Variants in GFRA2 observed in about 807,000 individuals in gnomAD.
GFRA2 encodes GDNF family receptor alpha 2.
A neutral mutation model predicts 48.3 loss-of-function variants in GFRA2; 17 were observed. The ratio of observed to expected loss-of-function variants is 0.35; its 90% CI spans 0.24 to 0.53. The LOEUF (loss-of-function observed/expected upper bound fraction) is 0.53. Among genes scored for constraint, GFRA2 ranks in the 20% least tolerant of loss-of-function variants. The probability of loss-of-function intolerance (pLI) is 0.93; values close to 1 mark genes in which losing one functional copy is unlikely to be tolerated. For missense variants in GFRA2, 660 were observed against 637.3 expected, an observed-to-expected ratio of 1.04 and a Z score of -0.38; for synonymous variants, 305 against 257.2, an observed-to-expected ratio of 1.19 and a Z score of -1.78.
intron 4 of GFRA2, among the ~76,000 whole-genome samples, chr8:21,715,622 A>G (rs1803293368): frequency 6.6e-6 from 1 of 152,190 alleles, no homozygotes; most frequent in Non-Finnish European, 1.5e-5. Flanking sequence ...CCAGGGGGAA[A>G]CATGACCTGG....
intron 4 of GFRA2, among the ~76,000 whole-genome samples, chr8:21,736,861 T>A (rs1265387234): frequency 1.5e-5 from 2 of 137,662 alleles, no homozygotes; most frequent in Non-Finnish European, 3.0e-5. Context: ...AATTTCATTT[T>A]GAGAATTAGG....
intron 4 of GFRA2, among the ~76,000 whole-genome samples, chr8:21,726,072 A>G (rs1803855690): frequency 6.6e-6 from 1 of 152,190 alleles, no homozygotes; most frequent in African/African-American, 2.4e-5. Context: ...TCTGCCCTCA[A>G]AACAGTGGTC....
upstream of GFRA2, chr8:21,790,073 C>G: frequency 1.0e-6 from 1 of 985,326 alleles, no homozygotes; most frequent in Non-Finnish European, 1.2e-6. Flanking sequence ...GGCTCACCGG[C>G]GTGTTTTAGT....
upstream of GFRA2, among the ~76,000 whole-genome samples, chr8:21,792,506 C>G (rs77130515): frequency 6.6e-6 from 1 of 152,158 alleles, no homozygotes; most frequent in African/African-American, 2.4e-5. Flanking sequence ...GCAGGGCCAA[C>G]GGCTGTGGGG....
chr8:21,766,213 G>T (rs759875672), intron 3 of GFRA2, among the ~76,000 whole-genome samples: 2 of 152,020 alleles, frequency 1.3e-5, no homozygotes, highest in Non-Finnish European at 2.9e-5. Context: ...CCCACTGCTG[G>T]ATCCTTCCTG....
At chr8:21,782,293 A>T (rs989649078) in intron 2 of GFRA2, among the ~76,000 whole-genome samples, 2 of 25,138 alleles carry the variant, frequency 8.0e-5, no homozygotes, top group African/African-American at 2.9e-4. Flanking sequence ...CCCCCACCCC[A>T]CTCACCCCCC....
chr8:21,709,015 G>A (rs1387484579), intron 4 of GFRA2, among the ~76,000 whole-genome samples: 1 of 152,192 alleles, frequency 6.6e-6, no homozygotes, highest in South Asian at 2.1e-4. Context: ...GATATGATCA[G>A]GTCCGAACAC....
chr8:21,789,143 C>G (rs1392656740), upstream of GFRA2: 1 of 169,204 alleles, frequency 5.9e-6, no homozygotes, highest in Non-Finnish European at 1.2e-5. Flanking sequence ...CGCCGGGGAT[C>G]GCGGGCCGAG....
chr8:21,758,292 T>C (rs775895238), intron 3 of GFRA2, among the ~76,000 whole-genome samples: 1 of 151,980 alleles, frequency 6.6e-6, no homozygotes, highest in Non-Finnish European at 1.5e-5. Context: ...CCAGCTACTG[T>C]CACCTAGGCA....
At chr8:21,773,019 G>A (rs1181991319) in intron 3 of GFRA2, among the ~76,000 whole-genome samples, 2 of 152,202 alleles carry the variant, frequency 1.3e-5, no homozygotes, top group African/African-American at 4.8e-5. Flanking sequence ...GGCCACCAGG[G>A]TGTGCCCACC....
chr8:21,797,103 G>A (rs1807690299), intron 2 of GFRA2, among the ~76,000 whole-genome samples: 2 of 152,048 alleles, frequency 1.3e-5, no homozygotes, highest in African/African-American at 4.8e-5. Flanking sequence ...CCCTATTTGT[G>A]AGTTAGCTTT....
chr8:21,798,661 C>T (rs1436804359), intron 2 of GFRA2, among the ~76,000 whole-genome samples: 3 of 152,294 alleles, frequency 2.0e-5, no homozygotes, highest in South Asian at 2.1e-4. Flanking sequence ...GCCCTGCAGA[C>T]GTAAGAACCT....
chr8:21,704,215 T>C (rs1201667244), intron 6 of GFRA2, among the ~76,000 whole-genome samples: 1 of 152,240 alleles, frequency 6.6e-6, no homozygotes, highest in East Asian at 1.9e-4. Context: ...AACTGACCGA[T>C]GCCCAGCTAA....
intron 4 of GFRA2, among the ~76,000 whole-genome samples, chr8:21,729,482 G>A (rs745419727): frequency 1.3e-5 from 2 of 152,160 alleles, no homozygotes; most frequent in Non-Finnish European, 2.9e-5. Context: ...GAGAGTGAAA[G>A]CTGGGCCTGG....
intron 4 of GFRA2, among the ~76,000 whole-genome samples, chr8:21,718,317 G>A (rs1402024548): frequency 6.6e-6 from 1 of 152,160 alleles, no homozygotes; most frequent in South Asian, 2.1e-4. Context: ...GCTCGTCCTT[G>A]CCTTCTGCCA....
chr8:21,790,503 G>A (rs529867417), upstream of GFRA2, among the ~76,000 whole-genome samples: 30 of 152,352 alleles, frequency 2.0e-4, no homozygotes, highest in South Asian at 6.2e-3. Flanking sequence ...GAAAGCTAGA[G>A]GGAGCAACTT....
chr8:21,754,505 C>CTTTTTTTTTTTTTTTTTTT (rs59344047), intron 3 of GFRA2, among the ~76,000 whole-genome samples: 1 of 121,228 alleles, frequency 8.2e-6, no homozygotes. Flanking sequence ...CTTTTTTTTT[C>CTTTTTTTTTTTTTTTTTTT]TTTTTTTTTT....
intron 2 of GFRA2, among the ~76,000 whole-genome samples, chr8:21,799,822 C>T (rs1807740803): frequency 1.3e-5 from 2 of 152,168 alleles, no homozygotes; most frequent in Non-Finnish European, 2.9e-5. Flanking sequence ...ACACAGGGCT[C>T]CCCCAACAAG....
At chr8:21,746,720 C>T (rs372399739) in intron 4 of GFRA2, among the ~76,000 whole-genome samples, 10 of 151,970 alleles carry the variant, frequency 6.6e-5, no homozygotes, top group South Asian at 2.1e-4. Context: ...CCTGTTTCAA[C>T]GCCGTTTCTG....
Sources: allele counts gnomAD v4.1 joint callset (sites outside exome capture counted in the v4.1 genomes callset), GRCh38; gene constraint gnomAD v4.1.1; transcripts MANE v1.5; gene names NCBI Gene and HGNC (gene_info 2026-07-23, HGNC 2026-07-21).